Variants in USP31 observed in about 807,000 individuals in gnomAD.
USP31 encodes the protein ubiquitin carboxyl-terminal hydrolase 31.
A neutral mutation model predicts 119.4 loss-of-function variants in USP31; 44 were observed. That is an observed-to-expected ratio of 0.37 (90% confidence interval 0.29 to 0.47). The LOEUF is 0.47. Ranked by LOEUF, USP31 falls within the 20% of genes least tolerant of loss-of-function variation. The pLI, the probability that USP31 is intolerant of heterozygous loss-of-function variation, is 0.99. For missense variants in USP31, 1,643 were observed against 1,730.2 expected (o/e 0.95, Z 0.89); for synonymous variants, 749 against 705.6 (o/e 1.06, Z -0.97).
intron 13 of USP31, among the ~76,000 whole-genome samples, chr16:23,075,084 C>T (rs1900507836): frequency 6.6e-6 from 1 of 152,136 alleles, no homozygotes; most frequent in African/African-American, 2.4e-5. Context: ...GAAAGGGCTA[C>T]ACCAGACAAG....
chr16:23,084,261 T>G (rs1173788553), intron 11 of USP31, among the ~76,000 whole-genome samples: 2 of 152,172 alleles, frequency 1.3e-5, no homozygotes, highest in Non-Finnish European at 2.9e-5. Flanking sequence ...CCAAAGAGGC[T>G]TATTTATCCA....
At chr16:23,084,718 G>T in intron 11 of USP31, 142 bp downstream of exon 11, 1 of 1,035,456 alleles carries the variant, frequency 9.7e-7, no homozygotes, top group Non-Finnish European at 1.4e-6. Context: ...AGAGCATTAA[G>T]ATGCTCATTA....
intron 1 of USP31, among the ~76,000 whole-genome samples, chr16:23,113,626 T>C (rs976078694): frequency 2.6e-5 from 4 of 152,146 alleles, no homozygotes; most frequent in African/African-American, 9.7e-5. Context: ...AGAATATTTA[T>C]CAGAGAGGGT....
chr16:23,091,752 C>T lies in USP31; in HGVS notation c.1235-948G>A, dbSNP rs117568815. ...CCAGATAGAGTTTAAAAAAACAACA[C>T]ATACAAACTAGAAATAAGAAAAAAG... On this transcript the variant is annotated intron_variant, in intron 6 of 15. Transcript: ENST00000219689. Among the ~76,000 whole-genome samples, 61 of 152,156 alleles carry T rather than the reference C, an allele frequency of 4.0e-4. No individual in the cohort carries two copies. The East Asian group carries it at 8.9e-3, about 22-fold the overall frequency.
intron 1 of USP31, among the ~76,000 whole-genome samples, chr16:23,123,855 C>G (rs771070750): frequency 5.9e-5 from 9 of 151,934 alleles, no homozygotes; most frequent in Non-Finnish European, 1.2e-4. Context: ...TAAAAATTAG[C>G]CAGGCATGGT....
At chr16:23,140,331 T>C (rs892088932) in intron 1 of USP31, among the ~76,000 whole-genome samples, 1 of 152,138 alleles carries the variant, frequency 6.6e-6, no homozygotes, top group African/African-American at 2.4e-5. Context: ...CATTTTTAAT[T>C]GTCATGACTT....
chr16:23,108,208 G>A (rs751178545), intron 1 of USP31, 25 bp from the exon 2 acceptor site: 5 of 1,583,066 alleles, frequency 3.2e-6, no homozygotes, highest in South Asian at 1.2e-5. Context: ...AAATCACCAT[G>A]AACAGCTGTG....
rs1901322261 is a variant in USP31 at position 23,090,716 on chromosome 16, C to T, written c.1323G>A (p.Gln441=). Residue 441 remains glutamine (Q), a synonymous_variant, in exon 7 of 16, where the codon CAG becomes CAA. Transcript: ENST00000219689. ...LSSPTQTAAK[Q]GKMDSPTSRA... ...TTGATGTGGGAGAATCCATTTTCCC[C>T]TGCTTTGCTGCTGTTTGTGTAGGAG... is the stretch of plus-strand genomic sequence containing the variant. 1 of 1,614,110 alleles carries T rather than the reference C, an allele frequency of 6.2e-7. No individual in the cohort carries two copies. The highest frequency in any genetic ancestry group is 2.2e-5 in the East Asian group (1 of 44,884).
intron 8 of USP31, 85 bp downstream of exon 8, chr16:23,087,639 C>A: frequency 7.7e-7 from 1 of 1,294,340 alleles, no homozygotes; most frequent in Non-Finnish European, 1.1e-6. Flanking sequence ...AATCTAAACA[C>A]AAGAAACTCA....
At position 23,091,114 on chromosome 16, in the gene USP31, T is replaced by G. The variant is rs111892096; in HGVS notation, c.1235-310A>C. The stretch of plus-strand genomic sequence containing the variant: ...TGCTGAGATGATTCACCAAGAAAAT[T>G]TAGTGAGGTCATGCAACCAGTAATC... On this transcript the variant is annotated intron_variant, in intron 6 of 15. Transcript: ENST00000219689. 7.9e-3 allele frequency among the ~76,000 whole-genome samples: 1,204 copies of G among 152,298 alleles called. 12 individuals are homozygous for G. Among genetic ancestry groups the G allele is most frequent in the African/African-American group, 0.026 (1,098 of 41,560 alleles).
intron 1 of USP31, among the ~76,000 whole-genome samples, chr16:23,111,619 T>G (rs1902321178): frequency 6.6e-6 from 1 of 151,190 alleles, no homozygotes; most frequent in South Asian, 2.1e-4. Context: ...AGATGGGGGG[T>G]GGTGGTAGAA....
At chr16:23,073,994 G>A (rs184987001) in intron 13 of USP31, 114 bp from the exon 14 acceptor site, 1 of 1,388,568 alleles carries the variant, frequency 7.2e-7, no homozygotes, top group East Asian at 2.4e-5. Flanking sequence ...TTTTAAGGCT[G>A]CGTATAGCAA....
intron 1 of USP31, among the ~76,000 whole-genome samples, chr16:23,124,830 A>C (rs554396262): frequency 1.8e-4 from 28 of 152,274 alleles, no homozygotes; most frequent in South Asian, 4.1e-4. Context: ...TGGAGGTTGC[A>C]ATGAGCTGAG....
At chr16:23,099,540 A>G (rs1901760469) in intron 6 of USP31, among the ~76,000 whole-genome samples, 2 of 152,178 alleles carry the variant, frequency 1.3e-5, no homozygotes, top group Admixed American at 1.3e-4. Context: ...AATTAACTCA[A>G]AATAGTTCAA....
At position 23,102,389 on chromosome 16, in the gene USP31, A is replaced by G. The variant is rs746950123; in HGVS notation, c.1164T>C (p.His388=). ...FCDTDDLETV[H]ESDCIFAFET... is the part of the protein sequence containing the mutation. ...CAAAGGCAAAAATGCAGTCGCTTTC[A>G]TGGACTGTTTCCAGGTCGTCTGTAT... is the stretch of plus-strand genomic sequence containing the variant. The change falls in exon 6 of 16, where the codon CAT becomes CAC. Residue 388 remains histidine, a synonymous_variant. Coordinates refer to ENST00000219689, the MANE Select transcript of USP31 (RefSeq NM_020718.4). The G allele has an allele frequency of 2.5e-5, 40 of 1,613,926 alleles. 1 individual carries two copies. The Admixed American group carries it at 2.7e-4, about 11-fold the overall frequency.
chr16:23,087,202 G>C lies in USP31; in HGVS notation c.1528-16C>G. 6.2e-7 allele frequency: 1 copy of C among 1,605,682 alleles called. No individual in the cohort carries two copies. Among genetic ancestry groups the C allele is most frequent in the Non-Finnish European group, 8.5e-7 (1 of 1,177,410 alleles). ...ATGGACACACCTGCATCAGATGTTAGATGAGAATTAAGCCAAATTTTTCTT... is the reference window on the plus strand; with the variant it reads ...ATGGACACACCTGCATCAGATGTTACATGAGAATTAAGCCAAATTTTTCTT... On this transcript the variant is annotated splice_polypyrimidine_tract_variant and intron_variant, in intron 8 of 15. Coordinates refer to ENST00000219689, the MANE Select transcript of USP31 (RefSeq NM_020718.4).
intron 1 of USP31, among the ~76,000 whole-genome samples, chr16:23,143,877 G>A (rs1352351225): frequency 6.6e-6 from 1 of 152,158 alleles, no homozygotes; most frequent in Non-Finnish European, 1.5e-5. Flanking sequence ...AATGTCCCAG[G>A]GGGTGGGGGC....
intron 2 of USP31, among the ~76,000 whole-genome samples, chr16:23,107,231 T>A (rs117765278): frequency 0.012 from 1,757 of 152,296 alleles, 15 homozygotes; most frequent in Non-Finnish European, 0.02. Context: ...ACTTTTCATG[T>A]CCCTCCGCCT....
intron 1 of USP31, among the ~76,000 whole-genome samples, chr16:23,124,578 C>G (rs148874961): frequency 1.4e-4 from 21 of 152,244 alleles, no homozygotes; most frequent in African/African-American, 4.8e-4. Flanking sequence ...CTAAAACAGT[C>G]TGAAATTCAA....
Sources: allele counts gnomAD v4.1 joint callset (sites outside exome capture counted in the v4.1 genomes callset), GRCh38; gene constraint gnomAD v4.1.1; transcripts MANE v1.5; gene names NCBI Gene and HGNC (gene_info 2026-07-23, HGNC 2026-07-21).